SUGCT: variants seen among roughly 807,000 people sequenced by gnomAD.
SUGCT encodes succinyl-CoA:glutarate CoA-transferase.
Under a neutral mutation model 55.0 loss-of-function variants are expected in SUGCT, and 41 were observed. The observed-to-expected ratio is 0.74, with a 90% CI of 0.58 to 0.97. SUGCT has a LOEUF of 0.97. Ranked by LOEUF, SUGCT falls within the 50% of genes least tolerant of loss-of-function variation. The pLI, the probability that SUGCT is intolerant of heterozygous loss-of-function variation, is 0.00. For missense variants in SUGCT, 568 were observed against 547.8 expected (o/e 1.04, Z -0.37); for synonymous variants, 187 against 200.4 (o/e 0.93, Z 0.56).
chr7:40,980,151 A>AAGAG, the SUGCT span, among the ~76,000 whole-genome samples: 9 of 150,658 alleles, frequency 6.0e-5, no homozygotes, highest in African/African-American at 9.7e-5. Flanking sequence ...AAGAGAGAGC[A>AAGAG]AGAGAGAGAG....
intron 9 of SUGCT, among the ~76,000 whole-genome samples, chr7:40,350,153 A>G (rs762112246): frequency 1.3e-5 from 2 of 151,880 alleles, no homozygotes; most frequent in Non-Finnish European, 2.9e-5. Flanking sequence ...AAATAATTTC[A>G]TATAATTGAT....
At chr7:40,426,339 A>C (rs567139023) in intron 9 of SUGCT, among the ~76,000 whole-genome samples, 1 of 152,302 alleles carries the variant, frequency 6.6e-6, no homozygotes, top group Admixed American at 6.5e-5. Flanking sequence ...TGTCAGCTGG[A>C]TATATCTCAG....
intron 9 of SUGCT, among the ~76,000 whole-genome samples, chr7:40,383,847 G>A (rs1784988240): frequency 6.6e-6 from 1 of 152,200 alleles, no homozygotes. Context: ...AATGTGTGAA[G>A]TTGTAATGCA....
At position 40,860,507 on chromosome 7, in the gene SUGCT, C is replaced by T; in HGVS notation, c.*28C>T. The T allele has an allele frequency of 4.4e-6, 7 of 1,597,304 alleles. No individual in the cohort carries two copies. Among genetic ancestry groups the T allele is most frequent in the Middle Eastern group, 1.8e-4 (1 of 5,460 alleles). On this transcript the variant is annotated 3_prime_UTR_variant, in exon 14 of 14. Coordinates refer to ENST00000335693, the MANE Select transcript of SUGCT (RefSeq NM_001193313.2). Reference sequence around the variant, plus strand: ...AAGGAAAAGGGCTCTTCCTCATAACCTCGATCCGAATACACTGGCAAAGGC... The same window carrying T: ...AAGGAAAAGGGCTCTTCCTCATAACTTCGATCCGAATACACTGGCAAAGGC...
intron 12 of SUGCT, among the ~76,000 whole-genome samples, chr7:40,616,384 C>T (rs1409079221): frequency 2.0e-5 from 3 of 151,790 alleles, no homozygotes; most frequent in African/African-American, 7.3e-5. Context: ...TTAGTAGAGA[C>T]GGGGTTTTGC....
In SUGCT at chr7:40,367,811, C is replaced by T. The variant is rs201688658; in HGVS notation, c.816+50956C>T. On this transcript the variant is annotated intron_variant, in intron 9 of 13. Transcript: ENST00000335693. ...TGTCTCTCTGCTTCCACTTTTGCCT[C>T]CCAAGCGTCATGTCACCCAACTGAT... Among the ~76,000 whole-genome samples, 25 of 152,260 alleles carry T rather than the reference C, an allele frequency of 1.6e-4. No individual in the cohort carries two copies. In the East Asian group the frequency reaches 2.5e-3, roughly 15 times the overall value.
intron 12 of SUGCT, among the ~76,000 whole-genome samples, chr7:40,682,162 G>A (rs1784277150): frequency 6.6e-6 from 1 of 152,128 alleles, no homozygotes; most frequent in Non-Finnish European, 1.5e-5. Context: ...CATGCTTCGG[G>A]GTTCCCCACA....
At chr7:40,955,798 C>T in the SUGCT span, among the ~76,000 whole-genome samples, 1 of 152,070 alleles carries the variant, frequency 6.6e-6, no homozygotes, top group Non-Finnish European at 1.5e-5. Context: ...TTTTGAGATA[C>T]ATTCCATCAA....
chr7:40,477,942 A>G (rs1790793981), intron 11 of SUGCT, among the ~76,000 whole-genome samples: 1 of 152,202 alleles, frequency 6.6e-6, no homozygotes, highest in Non-Finnish European at 1.5e-5. Context: ...AATAGATTTT[A>G]GGGCAAGAAG....
intron 12 of SUGCT, among the ~76,000 whole-genome samples, chr7:40,594,069 G>T (rs867780534): frequency 6.6e-6 from 1 of 151,928 alleles, no homozygotes; most frequent in Admixed American, 6.6e-5. Context: ...GTAAACTATC[G>T]CAAGAACAAA....
At chr7:40,614,583 T>G (rs563471980) in intron 12 of SUGCT, among the ~76,000 whole-genome samples, 1 of 150,698 alleles carries the variant, frequency 6.6e-6, no homozygotes. Context: ...AGTTGTGCTG[T>G]TTTTTTTTAA....
chr7:40,440,145 G>GTTTT (rs138984553), intron 9 of SUGCT, among the ~76,000 whole-genome samples: 21 of 68,450 alleles, frequency 3.1e-4, no homozygotes, highest in South Asian at 7.1e-4. Flanking sequence ...GTGTGTGTGT[G>GTTTT]TTTTTTTTTT....
chr7:40,664,674 A>G (rs1442346623), intron 12 of SUGCT, among the ~76,000 whole-genome samples: 1 of 152,208 alleles, frequency 6.6e-6, no homozygotes, highest in Non-Finnish European at 1.5e-5. Context: ...ATAATCTTTT[A>G]AATTTAATTA....
At chr7:40,837,332 CT>C (rs1793039736) in intron 13 of SUGCT, among the ~76,000 whole-genome samples, 1 of 151,974 alleles carries the variant, frequency 6.6e-6, no homozygotes, top group South Asian at 2.1e-4. Flanking sequence ...GGTACTAGTT[CT>C]TTGTTAGCTA....
chr7:40,168,887 C>T (rs567652157), intron 1 of SUGCT, among the ~76,000 whole-genome samples: 85 of 152,178 alleles, frequency 5.6e-4, no homozygotes, highest in African/African-American at 1.9e-3. Context: ...TGGATGGTCC[C>T]GCCTTGCGGA....
intron 9 of SUGCT, among the ~76,000 whole-genome samples, chr7:40,413,726 G>T (rs1458291788): frequency 6.6e-6 from 1 of 152,072 alleles, no homozygotes; most frequent in African/African-American, 2.4e-5. Context: ...AATAAGGGAA[G>T]CAGGAAAATC....
intron 12 of SUGCT, among the ~76,000 whole-genome samples, chr7:40,664,751 C>G (rs567262683): frequency 6.6e-6 from 1 of 152,018 alleles, no homozygotes; most frequent in Non-Finnish European, 1.5e-5. Flanking sequence ...GAGGCCGAGG[C>G]GGGCAGATCA....
At chr7:40,856,780 A>G (rs1794191758) in intron 13 of SUGCT, among the ~76,000 whole-genome samples, 1 of 152,208 alleles carries the variant, frequency 6.6e-6, no homozygotes, top group Non-Finnish European at 1.5e-5. Context: ...GTATGCGAAC[A>G]CTTAAAAGTC....
intron 12 of SUGCT, among the ~76,000 whole-genome samples, chr7:40,590,325 A>G (rs1797644939): frequency 1.3e-5 from 2 of 152,338 alleles, no homozygotes; most frequent in South Asian, 4.1e-4. Flanking sequence ...TGAAAGGAAT[A>G]GCCACACATT....
Sources: gnomAD v4.1 joint callset for allele counts (sites outside exome capture counted in the v4.1 genomes callset) on GRCh38, gnomAD v4.1.1 for gene constraint, MANE v1.5 for transcripts, NCBI Gene and HGNC (gene_info 2026-07-23, HGNC 2026-07-21) for gene names.